The following ZIK1 variants were observed in gnomAD, a reference collection of about 807,000 sequenced individuals.
ZIK1 encodes zinc finger protein interacting with ribonucleoprotein K.
In ZIK1, 12 loss-of-function variants were observed where a neutral mutation model predicts 10.7. That is an observed-to-expected ratio of 1.12 (90% CI 0.72 to 1.81). ZIK1 has a LOEUF of 1.81. Ranked by LOEUF, ZIK1 falls within the 40% of genes most tolerant of loss-of-function variation. ZIK1 has a pLI of 0.00. For missense variants in ZIK1, 497 were observed against 585.7 expected (o/e 0.85, Z 1.56); for synonymous variants, 190 against 205.0 (o/e 0.93, Z 0.63).
In ZIK1 at chr19:57,591,046, G is replaced by A. The variant is rs765636400; in HGVS notation, c.1235G>A (p.Cys412Tyr). ...TGERPYKCGD[C>Y]GKSFSQSSIL... is the part of the protein sequence containing the mutation. ...GAAAGGCCTTATAAGTGTGGTGACT[G>A]TGGGAAATCCTTTAGTCAAAGCTCC... The change falls in exon 4 of 4, where the codon TGT becomes TAT. Residue 412 changes from cysteine (C) to tyrosine (Y), a missense_variant. Cys to Tyr is a radical substitution (Grantham distance 194). Transcript: ENST00000597850. 1.9e-6 allele frequency: 3 copies of A among 1,614,118 alleles called. No individual in the cohort carries two copies. The highest frequency in any genetic ancestry group is 2.2e-5 in the East Asian group (1 of 44,878).
Position 57,590,172 on chromosome 19 carries a change from C to T in ZIK1, c.361C>T (p.Gln121Ter), listed in dbSNP as rs776738948. The stretch of plus-strand genomic sequence containing the variant: ...TTTGCATCTAGCTGATCTCCCTGGG[C>T]AGAAACCATACTTGGTTGGAGAATG... ...DILHLADLPG[Q>*]KPYLVGECTN... The change falls in exon 4 of 4, where the codon CAG becomes TAG. Residue 121 changes from glutamine (Q) to a stop codon, truncating the protein, a stop_gained. Coordinates refer to ENST00000597850, the MANE Select transcript of ZIK1 (RefSeq NM_001010879.4). LOFTEE classifies it low-confidence loss of function (END_TRUNC). The T allele has an allele frequency of 3.7e-6, 6 of 1,614,094 alleles. No homozygotes were observed. The highest frequency in any genetic ancestry group is 2.7e-5 in the African/African-American group (2 of 74,930).
Position 57,593,258 on chromosome 19 carries a change from T to TG in ZIK1, c.*1983_*1984insG, listed in dbSNP as rs1318806295. ...GGTTTTACCATGTTTGCCAGGATGG[T>TG]CTTGATCTCTTGACCTCGTGATCCG... On this transcript the variant is annotated 3_prime_UTR_variant, in exon 4 of 4. Coordinates refer to ENST00000597850, the MANE Select transcript of ZIK1 (RefSeq NM_001010879.4). 6.6e-6 allele frequency: 1 copy of TG among 152,032 alleles called. No individual in the cohort carries two copies. Among genetic ancestry groups the TG allele is most frequent in the Non-Finnish European group, 1.5e-5 (1 of 68,030 alleles). 9.4% of individuals were successfully genotyped at this position (152,032 alleles called of 1,614,324 possible).
intron 2 of ZIK1, among the ~76,000 whole-genome samples, chr19:57,585,504 G>C (rs1284318875): frequency 1.3e-5 from 2 of 152,164 alleles, no homozygotes; most frequent in Non-Finnish European, 2.9e-5. Flanking sequence ...AGTTTTGATA[G>C]TGGCTTCACC....
In ZIK1 at chr19:57,590,511, A is replaced by G. The variant is rs141257291; in HGVS notation, c.700A>G (p.Thr234Ala). The change falls in exon 4 of 4, where the codon ACT becomes GCT. Residue 234 changes from threonine (T) to alanine (A), a missense_variant. Coordinates refer to ENST00000597850, the MANE Select transcript of ZIK1 (RefSeq NM_001010879.4). ...HTPVYHPRVYTGKKLYECSKC... is the reference protein window; with the variant it reads ...HTPVYHPRVYAGKKLYECSKC... ...TCCTGTTTACCATCCAAGAGTCTACACTGGAAAAAAGCTTTATGAGTGTAG... is the reference window on the plus strand; with the variant it reads ...TCCTGTTTACCATCCAAGAGTCTACGCTGGAAAAAAGCTTTATGAGTGTAG... The G allele has an allele frequency of 3.4e-4, 553 of 1,614,170 alleles. 3 individuals are homozygous for G. In the East Asian group the frequency reaches 7.5e-3, roughly 22 times the overall value.
Position 57,588,617 on chromosome 19 carries a change from C to T in ZIK1, c.151C>T (p.Leu51=). ...ACTTCTTGATGAGGCTCAGAGACTCCTGTACCTTGAAGTGATGCTGGAGAA... is the reference window on the plus strand; with the variant it reads ...ACTTCTTGATGAGGCTCAGAGACTCTTGTACCTTGAAGTGATGCTGGAGAA... ...WGLLDEAQRL[L]YLEVMLENFA... Residue 51 remains leucine, a synonymous_variant, in exon 3 of 4, where the codon CTG becomes TTG. Transcript: ENST00000597850. The T allele has an allele frequency of 6.3e-7, 1 of 1,591,350 alleles. No individual in the cohort carries two copies. Among genetic ancestry groups the T allele is most frequent in the Non-Finnish European group, 8.6e-7 (1 of 1,166,766 alleles).
In ZIK1 at chr19:57,590,639, T is replaced by C. The variant is rs762489448; in HGVS notation, c.828T>C (p.Phe276=). 3 of 1,614,058 alleles carry C rather than the reference T, an allele frequency of 1.9e-6. No homozygotes were observed. Among genetic ancestry groups the C allele is most frequent in the African/African-American group, 1.3e-5 (1 of 74,914 alleles). The change falls in exon 4 of 4, where the codon TTT becomes TTC. Residue 276 remains phenylalanine (F), a synonymous_variant. Transcript: ENST00000597850. ...AGTGCAATGAATGTGGAAAATTCTT[T>C]AGCCAAACCTCCCACCTGAATGATC... is the stretch of plus-strand genomic sequence containing the variant. ...PWECNECGKF[F]SQTSHLNDHR...
rs1248281275 is a variant in ZIK1 at position 57,592,845 on chromosome 19, C to CA, written c.*1571dup. 6.6e-6 allele frequency: 1 copy of CA among 152,154 alleles called. No homozygotes were observed. Among genetic ancestry groups the CA allele is most frequent in the African/African-American group, 2.4e-5 (1 of 41,418 alleles). 9.4% of individuals were successfully genotyped at this position (152,154 alleles called of 1,614,324 possible). A position where few individuals can be genotyped will look rare whatever the true frequency, so the allele number is the denominator to read the frequency against. On this transcript the variant is annotated 3_prime_UTR_variant, in exon 4 of 4. Coordinates refer to ENST00000597850, the MANE Select transcript of ZIK1 (RefSeq NM_001010879.4). ...ATGGTGTATAATTTGAAGAGTTTGT[C>CA]ATACAAGCCTGTGAAACCATAATCA...
chr19:57,592,849 C>T lies in ZIK1; in HGVS notation c.*1574C>T, dbSNP rs368443160. ...TGTATAATTTGAAGAGTTTGTCATA[C>T]AAGCCTGTGAAACCATAATCATGAT... On this transcript the variant is annotated 3_prime_UTR_variant, in exon 4 of 4. Transcript: ENST00000597850. The T allele has an allele frequency of 6.6e-6, 1 of 152,078 alleles. No individual in the cohort carries two copies. Among genetic ancestry groups the T allele is most frequent in the South Asian group, 2.1e-4 (1 of 4,826 alleles). 9.4% of individuals were successfully genotyped at this position (152,078 alleles called of 1,614,324 possible).
Position 57,591,105 on chromosome 19 carries a change from G to A in ZIK1, c.1294G>A (p.Ala432Thr), listed in dbSNP as rs757929499. ...TCAACACCGGAGAATTCATACTGGA[G>A]CAAGGCCTTATGAGTGTGGCCAGTG... ...LIQHRRIHTG[A>T]RPYECGQCGK... The change falls in exon 4 of 4, where the codon GCA becomes ACA. Residue 432 changes from alanine (A) to threonine (T), a missense_variant. By Grantham distance (58) the Ala-to-Thr change is moderately conservative. Coordinates refer to ENST00000597850, the MANE Select transcript of ZIK1 (RefSeq NM_001010879.4). 2.5e-6 allele frequency: 4 copies of A among 1,614,014 alleles called. No homozygotes were observed. The highest frequency in any genetic ancestry group is 4.5e-5 in the East Asian group (2 of 44,884).
At chr19:57,585,416 G>C (rs983215543) in intron 2 of ZIK1, among the ~76,000 whole-genome samples, 1 of 152,188 alleles carries the variant, frequency 6.6e-6, no homozygotes, top group Non-Finnish European at 1.5e-5. Flanking sequence ...CACTGTTAAT[G>C]CAGCATAGAG....
At chr19:57,589,362 T>A in intron 3 of ZIK1, 1 of 985,370 alleles carries the variant, frequency 1.0e-6, no homozygotes, top group Non-Finnish European at 1.2e-6. Flanking sequence ...TCACCACTGT[T>A]TGGGTGCACA....
At chr19:57,586,114 A>G (rs1979134993) in intron 2 of ZIK1, among the ~76,000 whole-genome samples, 1 of 152,142 alleles carries the variant, frequency 6.6e-6, no homozygotes, top group Non-Finnish European at 1.5e-5. Context: ...TGATATATGG[A>G]GACATCAGGT....
chr19:57,589,404 C>T (rs1979458261), intron 3 of ZIK1: 1 of 985,250 alleles, frequency 1.0e-6, no homozygotes, highest in African/African-American at 1.7e-5. Context: ...TCTATATTTT[C>T]TTCTCAGTAC....
Position 57,591,487 on chromosome 19 carries a change from C to G in ZIK1, c.*212C>G. 7 of 586,680 alleles carry G rather than the reference C, an allele frequency of 1.2e-5. No individual in the cohort carries two copies. Among genetic ancestry groups the G allele is most frequent in the Non-Finnish European group, 1.8e-5 (6 of 333,798 alleles). The allele number at this position is 586,680 out of a possible 1,614,324, so 36.3% of individuals were successfully genotyped here. On this transcript the variant is annotated 3_prime_UTR_variant, in exon 4 of 4. Transcript: ENST00000597850. ...GTTTCTCTGGTAGAAACCATCTACC[C>G]TCTACCACCTTGCACAGTGGGCACT...
Position 57,588,801 on chromosome 19 carries a change from G to A in ZIK1, c.199+136G>A, listed in dbSNP as rs539666652. The A allele has an allele frequency of 4.4e-5, 43 of 983,486 alleles. 1 individual carries two copies. In the South Asian group the frequency reaches 1.5e-3, roughly 35 times the overall value. The allele number at this position is 983,486 out of a possible 1,614,324, so 60.9% of individuals were successfully genotyped here. A position where few individuals can be genotyped will look rare whatever the true frequency, so the allele number is the denominator to read the frequency against. ...TAGCCCTAACACCTGCTGCCCAGTG[G>A]TCTGGGAACACCTGCTGCCCAGTGG... On this transcript the variant is annotated intron_variant, in intron 3 of 3. Coordinates refer to ENST00000597850, the MANE Select transcript of ZIK1 (RefSeq NM_001010879.4).
In ZIK1 at chr19:57,588,691, G is replaced by A. The variant is rs1979385465; in HGVS notation, c.199+26G>A. 4 of 1,478,142 alleles carry A rather than the reference G, an allele frequency of 2.7e-6. No individual in the cohort carries two copies. The East Asian group carries it at 9.7e-5, about 36-fold the overall frequency. 91.6% of individuals were successfully genotyped at this position (1,478,142 alleles called of 1,614,324 possible). ...GTAAGGCCCTAATACCAACTCCAGTGTCCTGGTCTGTCTATGGTCTTTTGC... is the reference window on the plus strand; with the variant it reads ...GTAAGGCCCTAATACCAACTCCAGTATCCTGGTCTGTCTATGGTCTTTTGC... On this transcript the variant is annotated intron_variant, in intron 3 of 3. Transcript: ENST00000597850.
rs1979696855 is a variant in ZIK1 at position 57,591,496 on chromosome 19, C to T, written c.*221C>T. On this transcript the variant is annotated 3_prime_UTR_variant, in exon 4 of 4. Coordinates refer to ENST00000597850, the MANE Select transcript of ZIK1 (RefSeq NM_001010879.4). ...GTAGAAACCATCTACCCTCTACCACCTTGCACAGTGGGCACTGGTCACTCC... is the reference window on the plus strand; with the variant it reads ...GTAGAAACCATCTACCCTCTACCACTTTGCACAGTGGGCACTGGTCACTCC... 3.5e-6 allele frequency: 2 copies of T among 567,716 alleles called. No homozygotes were observed. Among genetic ancestry groups the T allele is most frequent in the South Asian group, 2.6e-5 (1 of 39,108 alleles). The allele number at this position is 567,716 out of a possible 1,614,324, so 35.2% of individuals were successfully genotyped here. A position where few individuals can be genotyped will look rare whatever the true frequency, so the allele number is the denominator to read the frequency against.
rs1304176925 is a variant in ZIK1, at chr19:57,590,361, A to C, written c.550A>C (p.Arg184=). ...CCTTCCAGCCATGTTGCGGCTTCTG[A>C]GGTCCCTGGTCTTTCCTGGAGGCAA... ...KDLPAMLRLL[R]SLVFPGGKKP... Residue 184 remains arginine (R), a synonymous_variant, in exon 4 of 4, where the codon AGG becomes CGG. Transcript: ENST00000597850. The C allele has an allele frequency of 3.1e-6, 5 of 1,614,044 alleles. No individual in the cohort carries two copies. Among genetic ancestry groups the C allele is most frequent in the African/African-American group, 1.3e-5 (1 of 74,912 alleles).
rs768036243 is a variant in ZIK1, at chr19:57,588,536, CAG to C, written c.73-2_73-1del. On this transcript the variant is annotated splice_acceptor_variant, in intron 2 of 3. Transcript: ENST00000597850. LOFTEE classifies it high-confidence loss of function. ...GTGGAGTGACCTGTCCCCATCATGACAGGGCTGTGTGACCTTTGAGGACATCG... is the reference window on the plus strand; with the variant it reads ...GTGGAGTGACCTGTCCCCATCATGACGGCTGTGTGACCTTTGAGGACATCG... 1 of 1,506,754 alleles carries C rather than the reference CAG, an allele frequency of 6.6e-7. No individual in the cohort carries two copies. Among genetic ancestry groups the C allele is most frequent in the East Asian group, 2.4e-5 (1 of 41,378 alleles). The allele number at this position is 1,506,754 out of a possible 1,614,324, so 93.3% of individuals were successfully genotyped here. A position where few individuals can be genotyped will look rare whatever the true frequency, so the allele number is the denominator to read the frequency against.
Sources: gnomAD v4.1 joint callset for allele counts (sites outside exome capture counted in the v4.1 genomes callset) on GRCh38, gnomAD v4.1.1 for gene constraint, MANE v1.5 for transcripts, NCBI Gene and HGNC (gene_info 2026-07-23, HGNC 2026-07-21) for gene names.